Variants in BLK observed in about 807,000 individuals in gnomAD.
BLK encodes tyrosine-protein kinase Blk.
In BLK, 64 loss-of-function variants were observed where a neutral mutation model predicts 61.8. The observed-to-expected ratio is 1.03, with a 90% CI of 0.85 to 1.27. BLK has a LOEUF of 1.27. BLK is among the 50% of genes most tolerant of loss of function. The pLI is 0.00. For synonymous variants in BLK, 351 were observed against 272.0 expected (o/e 1.29, Z -2.86); for missense variants, 853 against 660.5 (o/e 1.29, Z -3.19).
At chr8:11,545,503 T>C (rs565083407) in intron 2 of BLK, among the ~76,000 whole-genome samples, 1 of 152,222 alleles carries the variant, frequency 6.6e-6, no homozygotes, top group Admixed American at 6.5e-5. Flanking sequence ...GATCCGAGAT[T>C]ACGCCACTGC....
At chr8:11,540,117 C>G (rs747548791) in intron 1 of BLK, among the ~76,000 whole-genome samples, 14 of 152,014 alleles carry the variant, frequency 9.2e-5, no homozygotes, top group Non-Finnish European at 2.1e-4. Flanking sequence ...TCTCCAAACT[C>G]TGGGTTATAT....
intron 1 of BLK, among the ~76,000 whole-genome samples, chr8:11,542,155 G>T (rs558921618): frequency 7.2e-5 from 11 of 152,120 alleles, no homozygotes; most frequent in Non-Finnish European, 1.5e-4. Flanking sequence ...AATCGAAGAC[G>T]CCACTGATAG....
chr8:11,564,437 C>T lies in BLK; in HGVS notation c.*329C>T. Reference sequence around the variant, plus strand: ...CAAGTAAGGCCCCCGTGCTGGGCACCCCCCGTGCTGGCCGCGTCCCCGCCT... The same window carrying T: ...CAAGTAAGGCCCCCGTGCTGGGCACTCCCCGTGCTGGCCGCGTCCCCGCCT... On this transcript the variant is annotated 3_prime_UTR_variant, in exon 13 of 13. Coordinates refer to ENST00000259089, the MANE Select transcript of BLK (RefSeq NM_001715.3). 8.7e-6 allele frequency: 5 copies of T among 577,040 alleles called. No individual in the cohort carries two copies. Among genetic ancestry groups the T allele is most frequent in the Non-Finnish European group, 1.6e-5 (5 of 304,398 alleles). The allele number at this position is 577,040 out of a possible 1,614,324, so 35.7% of individuals were successfully genotyped here. A position where few individuals can be genotyped will look rare whatever the true frequency, so the allele number is the denominator to read the frequency against.
intron 1 of BLK, among the ~76,000 whole-genome samples, chr8:11,530,375 T>G (rs543660512): frequency 6.6e-6 from 1 of 152,288 alleles, no homozygotes; most frequent in East Asian, 1.9e-4. Flanking sequence ...CAGGACAAGG[T>G]AGGAGGTCAG....
intron 1 of BLK, among the ~76,000 whole-genome samples, chr8:11,504,735 C>A (rs1404681533): frequency 6.6e-6 from 1 of 152,178 alleles, no homozygotes; most frequent in African/African-American, 2.4e-5. Context: ...GCCCCCTGTT[C>A]CCACCCTTGA....
At chr8:11,527,279 C>T (rs1799696138) in intron 1 of BLK, among the ~76,000 whole-genome samples, 1 of 152,162 alleles carries the variant, frequency 6.6e-6, no homozygotes, top group Admixed American at 6.5e-5. Context: ...CCACAAAATT[C>T]ACCCATTTGG....
At chr8:11,533,744 C>T (rs972950721) in intron 1 of BLK, among the ~76,000 whole-genome samples, 1 of 152,052 alleles carries the variant, frequency 6.6e-6, no homozygotes, top group Non-Finnish European at 1.5e-5. Context: ...GCTTTGCAGG[C>T]TGGAAAGTAC....
At chr8:11,508,366 G>T (rs986401608) in intron 1 of BLK, among the ~76,000 whole-genome samples, 1 of 152,226 alleles carries the variant, frequency 6.6e-6, no homozygotes, top group African/African-American at 2.4e-5. Context: ...CTAGGTGACT[G>T]TAGGCCTCAG....
chr8:11,535,866 C>T (rs773529049), intron 1 of BLK, among the ~76,000 whole-genome samples: 1 of 152,180 alleles, frequency 6.6e-6, no homozygotes, highest in African/African-American at 2.4e-5. Flanking sequence ...GAGGGAAGAG[C>T]AAGTGATGAA....
intron 1 of BLK, among the ~76,000 whole-genome samples, chr8:11,511,376 T>A (rs184442117): frequency 2.0e-5 from 3 of 152,120 alleles, no homozygotes; most frequent in Admixed American, 2.0e-4. Context: ...CACACCAACA[T>A]GGCACATGTA....
intron 8 of BLK, chr8:11,556,445 C>T: frequency 1.6e-6 from 1 of 620,648 alleles, no homozygotes; most frequent in Non-Finnish European, 2.9e-6. Context: ...GCCCCCCAGG[C>T]AGGGTACATT....
chr8:11,504,790 C>T (rs1196848526), intron 1 of BLK, among the ~76,000 whole-genome samples: 2 of 152,236 alleles, frequency 1.3e-5, no homozygotes, highest in African/African-American at 4.8e-5. Flanking sequence ...GTTGGGCACC[C>T]TGGTGCTCTC....
chr8:11,522,189 T>C (rs1156543834), intron 1 of BLK, among the ~76,000 whole-genome samples: 1 of 151,310 alleles, frequency 6.6e-6, no homozygotes, highest in Non-Finnish European at 1.5e-5. Flanking sequence ...AAATGAGCTA[T>C]AAAAAAAAAC....
intron 1 of BLK, among the ~76,000 whole-genome samples, chr8:11,526,840 T>C (rs1300428831): frequency 3.9e-5 from 6 of 152,220 alleles, no homozygotes; most frequent in South Asian, 4.1e-4. Context: ...AATATAACTA[T>C]GTAAATTTTG....
chr8:11,558,089 C>A, intron 10 of BLK, 51 bp downstream of exon 10: 1 of 1,556,302 alleles, frequency 6.4e-7, no homozygotes, highest in Non-Finnish European at 8.9e-7. Flanking sequence ...CACCTGCTGC[C>A]CACAATGGCT....
chr8:11,535,071 G>A lies in BLK; in HGVS notation c.-1-8153G>A, dbSNP rs182143291. ...CACGTGCCTGTGGTCCTAGCTACTC[G>A]GGAGGTTGAGGTGGGAGGATCACTT... On this transcript the variant is annotated intron_variant, in intron 1 of 12. Coordinates refer to ENST00000259089, the MANE Select transcript of BLK (RefSeq NM_001715.3). Among the ~76,000 whole-genome samples the A allele has an allele frequency of 5.9e-5, 9 of 152,062 alleles. No individual in the cohort carries two copies. The East Asian group carries it at 7.7e-4, about 13-fold the overall frequency.
intron 8 of BLK, 96 bp from the exon 9 acceptor site, chr8:11,556,562 G>A: frequency 2.1e-6 from 3 of 1,444,378 alleles, no homozygotes; most frequent in Non-Finnish European, 2.9e-6. Context: ...CCTGGAATGG[G>A]GTGGCACCTG....
At chr8:11,552,282 A>G (rs1485025440) in intron 6 of BLK, among the ~76,000 whole-genome samples, 2 of 152,252 alleles carry the variant, frequency 1.3e-5, no homozygotes, top group Non-Finnish European at 2.9e-5. Flanking sequence ...ACAAAGGGGC[A>G]GGACCAGGTT....
At chr8:11,513,403 C>T (rs1799099788) in intron 1 of BLK, among the ~76,000 whole-genome samples, 1 of 152,186 alleles carries the variant, frequency 6.6e-6, no homozygotes, top group Non-Finnish European at 1.5e-5. Flanking sequence ...CCTGATGGAG[C>T]CCTGTGTTAC....
Sources: allele counts gnomAD v4.1 joint callset (sites outside exome capture counted in the v4.1 genomes callset), GRCh38; gene constraint gnomAD v4.1.1; transcripts MANE v1.5; gene names NCBI Gene and HGNC (gene_info 2026-07-23, HGNC 2026-07-21).